HERC4: variants seen among roughly 807,000 people sequenced by gnomAD.
HERC4 encodes probable E3 ubiquitin-protein ligase HERC4.
Under a neutral mutation model 124.3 loss-of-function variants are expected in HERC4, and 28 were observed. The observed-to-expected ratio is 0.23, with a 90% CI of 0.17 to 0.31. The LOEUF is 0.31. Among genes scored for constraint, HERC4 ranks in the 10% least tolerant of loss-of-function variants. The pLI is 1.00. For missense variants in HERC4, 713 were observed against 1,229.3 expected (o/e 0.58, Z 6.28); for synonymous variants, 407 against 421.5 (o/e 0.97, Z 0.42).
chr10:68,031,617 A>G (rs994659140), intron 7 of HERC4, among the ~76,000 whole-genome samples: 1 of 152,202 alleles, frequency 6.6e-6, no homozygotes, highest in African/African-American at 2.4e-5. Context: ...TTTAAAATTA[A>G]CTTTCATAAT....
chr10:68,015,873 C>A (rs917339533), intron 8 of HERC4, among the ~76,000 whole-genome samples: 2 of 152,110 alleles, frequency 1.3e-5, no homozygotes, highest in Admixed American at 6.6e-5. Flanking sequence ...GAGACCGAGG[C>A]AGGTGGATCA....
Position 67,922,827 on chromosome 10 carries a change from A to G in HERC4, c.*104T>C, listed in dbSNP as rs2030366298. The G allele has an allele frequency of 1.2e-6, 1 of 808,886 alleles. No individual in the cohort carries two copies. The highest frequency in any genetic ancestry group is 1.7e-5 in the African/African-American group (1 of 58,314). 50.1% of individuals were successfully genotyped at this position (808,886 alleles called of 1,614,324 possible). On this transcript the variant is annotated 3_prime_UTR_variant, in exon 25 of 25. Coordinates refer to ENST00000373700, the MANE Select transcript of HERC4 (RefSeq NM_015601.4). ...TCGTAGATTGAACATTCTGCAAGTAAGAATTATAATAGTACCTCTGTCACC... is the reference window on the plus strand; with the variant it reads ...TCGTAGATTGAACATTCTGCAAGTAGGAATTATAATAGTACCTCTGTCACC...
chr10:67,960,474 C>T (rs2034439312), intron 16 of HERC4, among the ~76,000 whole-genome samples: 2 of 152,132 alleles, frequency 1.3e-5, no homozygotes, highest in Admixed American at 6.5e-5. Flanking sequence ...CAACCTCTGC[C>T]TCCTGGGTTC....
At chr10:67,959,878 A>G (rs1357770180) in intron 16 of HERC4, among the ~76,000 whole-genome samples, 2 of 152,234 alleles carry the variant, frequency 1.3e-5, no homozygotes, top group East Asian at 1.9e-4. Context: ...AGACTCGTGT[A>G]AAGCACCAGA....
rs1440616811 is a variant in HERC4, at chr10:67,941,655, C to A, written c.2338-550G>T. Reference sequence around the variant, plus strand: ...CATGAGTATTATGTCACTAAATGTTCTTCTAAAACACAACTTTTTTTTTTT... The same window carrying A: ...CATGAGTATTATGTCACTAAATGTTATTCTAAAACACAACTTTTTTTTTTT... On this transcript the variant is annotated intron_variant, in intron 19 of 24. Transcript: ENST00000373700. 6.5e-5 allele frequency among the ~76,000 whole-genome samples: 8 copies of A among 122,334 alleles called. No homozygotes were observed. The Admixed American group carries it at 6.7e-4, about 10-fold the overall frequency. 80.3% of individuals were successfully genotyped at this position (122,334 alleles called of 152,430 possible).
intron 9 of HERC4, among the ~76,000 whole-genome samples, chr10:68,012,889 T>C (rs2133115117): frequency 6.6e-6 from 1 of 152,358 alleles, no homozygotes; most frequent in East Asian, 1.9e-4. Context: ...TTATCTTTTA[T>C]GGTGATCTCA....
chr10:67,960,023 G>C (rs542056028), intron 16 of HERC4, among the ~76,000 whole-genome samples: 103 of 152,334 alleles, frequency 6.8e-4, no homozygotes, highest in African/African-American at 2.4e-3. Context: ...ATGCCTGATA[G>C]GAGTGTCTTT....
intron 23 of HERC4, 86 bp from the exon 24 acceptor site, chr10:67,925,273 G>T: frequency 3.0e-6 from 2 of 661,746 alleles, no homozygotes; most frequent in South Asian, 2.2e-5. Flanking sequence ...CCAGTAGTTT[G>T]CAACTTGTGC....
At chr10:67,982,532 C>G (rs2132652315) in intron 15 of HERC4, among the ~76,000 whole-genome samples, 1 of 152,120 alleles carries the variant, frequency 6.6e-6, no homozygotes, top group South Asian at 2.1e-4. Context: ...CTTAAGAAAA[C>G]ATTAGGGGAA....
At chr10:68,040,195 C>G in intron 4 of HERC4, 1 of 981,930 alleles carries the variant, frequency 1.0e-6, no homozygotes, top group Non-Finnish European at 1.2e-6. Flanking sequence ...GCAATTTATA[C>G]TCAGTTACTC....
chr10:68,038,476 C>G (rs946387961), intron 4 of HERC4: 5 of 196,698 alleles, frequency 2.5e-5, no homozygotes, highest in African/African-American at 1.2e-4. Context: ...TATTTTCTTT[C>G]ATTATAAAAA....
At chr10:68,072,294 A>T (rs1296389432) in intron 3 of HERC4, among the ~76,000 whole-genome samples, 1 of 152,184 alleles carries the variant, frequency 6.6e-6, no homozygotes, top group Non-Finnish European at 1.5e-5. Flanking sequence ...TTGCTTGTAC[A>T]ACTACTACAA....
At chr10:68,017,792 G>A (rs2038360295) in intron 8 of HERC4, among the ~76,000 whole-genome samples, 1 of 151,998 alleles carries the variant, frequency 6.6e-6, no homozygotes, top group Admixed American at 6.6e-5. Context: ...CCCGGCCTAT[G>A]TCAATAAGTC....
chr10:67,938,621 A>G (rs759157441), intron 21 of HERC4, among the ~76,000 whole-genome samples: 24 of 151,824 alleles, frequency 1.6e-4, no homozygotes, highest in South Asian at 2.1e-4. Context: ...TCATCTATCA[A>G]TGGCTTTGCA....
At chr10:68,026,994 G>A (rs528162744) in intron 7 of HERC4, among the ~76,000 whole-genome samples, 3 of 152,172 alleles carry the variant, frequency 2.0e-5, no homozygotes, top group African/African-American at 7.2e-5. Context: ...GCGAGACTCT[G>A]TCACAAAACA....
intron 3 of HERC4, chr10:68,069,299 C>T: frequency 2.1e-6 from 2 of 969,946 alleles, no homozygotes; most frequent in Non-Finnish European, 2.5e-6. Flanking sequence ...AAAATTGAGA[C>T]ATTAGCTTAA....
At chr10:68,039,926 C>T in intron 4 of HERC4, 2 of 959,842 alleles carry the variant, frequency 2.1e-6, no homozygotes, top group Non-Finnish European at 2.5e-6. Context: ...TCTCACAGTA[C>T]TGTATGTTTT....
rs1564608326 is a variant in HERC4 at position 68,059,648 on chromosome 10, ATT to A, written c.226+13233_226+13234del. 2.4e-4 allele frequency among the ~76,000 whole-genome samples: 17 copies of A among 69,928 alleles called. 6 individuals are homozygous for A. Among genetic ancestry groups the A allele is most frequent in the African/African-American group, 1.2e-3 (11 of 9,488 alleles). The allele number at this position is 69,928 out of a possible 152,430, so 45.9% of individuals were successfully genotyped here. A position where few individuals can be genotyped will look rare whatever the true frequency, so the allele number is the denominator to read the frequency against. ...TATATATCATAATATTATATATTAT[ATT>A]ATATATCATATTATATATTATATTA... On this transcript the variant is annotated intron_variant, in intron 3 of 24. Coordinates refer to ENST00000373700, the MANE Select transcript of HERC4 (RefSeq NM_015601.4).
At chr10:68,035,658 T>C (rs2039422519) in intron 5 of HERC4, among the ~76,000 whole-genome samples, 1 of 152,222 alleles carries the variant, frequency 6.6e-6, no homozygotes, top group Non-Finnish European at 1.5e-5. Context: ...TGCTGTATGA[T>C]CTACCTATGT....
Sources: allele counts gnomAD v4.1 joint callset (sites outside exome capture counted in the v4.1 genomes callset), GRCh38; gene constraint gnomAD v4.1.1; transcripts MANE v1.5; gene names NCBI Gene and HGNC (gene_info 2026-07-23, HGNC 2026-07-21).